Variants in VRK2 observed in about 807,000 individuals in gnomAD.
The protein encoded by VRK2 is serine/threonine-protein kinase VRK2.
A neutral mutation model predicts 57.6 loss-of-function variants in VRK2; 60 were observed. That is an observed-to-expected ratio of 1.04 (90% CI 0.85 to 1.29). VRK2 has a LOEUF of 1.29. VRK2 is among the 50% of genes most tolerant of loss of function. The pLI is 0.00. For missense variants in VRK2, 705 were observed against 588.1 expected, an observed-to-expected ratio of 1.20 and a Z score of -2.06; for synonymous variants, 231 against 199.2, an observed-to-expected ratio of 1.16 and a Z score of -1.35.
Position 58,048,820 on chromosome 2 carries a change from C to T in VRK2, c.-5-7C>T, listed in dbSNP as rs1675271880. ...TTACCCATTTATCTCACCCCTTCTG[C>T]CAACAGAAGTGATGCCACCAAAAAG... On this transcript the variant is annotated splice_polypyrimidine_tract_variant and splice_region_variant and intron_variant, in intron 1 of 12. Coordinates refer to ENST00000340157, the MANE Select transcript of VRK2 (RefSeq NM_006296.7). The T allele has an allele frequency of 3.1e-6, 5 of 1,611,990 alleles. No individual in the cohort carries two copies. Among genetic ancestry groups the T allele is most frequent in the Non-Finnish European group, 4.2e-6 (5 of 1,179,100 alleles).
chr2:57,988,130 T>TA (rs528875407), intron 1 of VRK2, among the ~76,000 whole-genome samples: 12 of 152,150 alleles, frequency 7.9e-5, no homozygotes, highest in African/African-American at 2.6e-4. Flanking sequence ...CAGGACTGTA[T>TA]AAAAAAAGGG....
intron 2 of VRK2, among the ~76,000 whole-genome samples, chr2:58,064,853 A>T (rs1668406806): frequency 6.6e-6 from 1 of 152,138 alleles, no homozygotes; most frequent in Non-Finnish European, 1.5e-5. Flanking sequence ...TGTGTGATTA[A>T]GAAAACATAA....
At chr2:57,945,398 T>C (rs1671230677) in intron 1 of VRK2, among the ~76,000 whole-genome samples, 1 of 152,158 alleles carries the variant, frequency 6.6e-6, no homozygotes, top group Non-Finnish European at 1.5e-5. Flanking sequence ...ACTGTCACCA[T>C]ATCTACCAGT....
chr2:57,989,407 C>A (rs1458527571), intron 1 of VRK2, among the ~76,000 whole-genome samples: 1 of 152,124 alleles, frequency 6.6e-6, no homozygotes, highest in East Asian at 1.9e-4. Context: ...TGTTCATACA[C>A]AAAAAGTGAG....
chr2:57,967,461 G>A (rs1172333634), intron 1 of VRK2, among the ~76,000 whole-genome samples: 1 of 151,890 alleles, frequency 6.6e-6, no homozygotes, highest in Non-Finnish European at 1.5e-5. Context: ...ATTTCCATGG[G>A]TGGTTTTTAA....
intron 1 of VRK2, among the ~76,000 whole-genome samples, chr2:57,982,160 G>A (rs1672440707): frequency 6.6e-6 from 1 of 152,212 alleles, no homozygotes; most frequent in South Asian, 2.1e-4. Flanking sequence ...CCAAGATTCA[G>A]CTCAGCACTC....
intron 8 of VRK2, among the ~76,000 whole-genome samples, chr2:58,126,436 C>T (rs1287276589): frequency 1.1e-4 from 17 of 152,036 alleles, no homozygotes; most frequent in Admixed American, 1.1e-3. Flanking sequence ...TCAGTCATTA[C>T]ATCTAAGCAT....
intron 1 of VRK2, among the ~76,000 whole-genome samples, chr2:58,019,072 A>C (rs4430930): frequency 6.6e-6 from 1 of 152,210 alleles, no homozygotes; most frequent in Admixed American, 6.5e-5. Flanking sequence ...GAGATAAATA[A>C]ATTGAACTCA....
At chr2:58,137,081 T>TATATCATATATATC (rs1558686062) in intron 10 of VRK2, among the ~76,000 whole-genome samples, 1 of 66,668 alleles carries the variant, frequency 1.5e-5, no homozygotes, top group African/African-American at 6.5e-5. Flanking sequence ...ATATATAACA[T>TATATCATATATATC]ATATATGTGT....
chr2:58,122,982 GT>G, intron 7 of VRK2, 118 bp from the exon 8 acceptor site: 1 of 1,310,250 alleles, frequency 7.6e-7, no homozygotes, highest in Non-Finnish European at 1.0e-6. Flanking sequence ...GCACCATTTG[GT>G]TTAATAAAAT....
intron 7 of VRK2, among the ~76,000 whole-genome samples, chr2:58,119,701 A>G (rs1474368805): frequency 6.6e-6 from 1 of 151,468 alleles, no homozygotes; most frequent in African/African-American, 2.4e-5. Context: ...ATTAATATAT[A>G]CTAGTAACAA....
chr2:58,131,725 C>T, intron 8 of VRK2, 83 bp from the exon 9 acceptor site: 1 of 1,426,272 alleles, frequency 7.0e-7, no homozygotes, highest in African/African-American at 1.4e-5. Context: ...CATATTTCAT[C>T]AGTAGTAGTT....
At position 58,055,922 on chromosome 2, in the gene VRK2, C is replaced by T. The variant is rs192626811; in HGVS notation, c.136+6955C>T. 3.9e-5 allele frequency among the ~76,000 whole-genome samples: 6 copies of T among 152,252 alleles called. No individual in the cohort carries two copies. The East Asian group carries it at 1.2e-3, about 29-fold the overall frequency. ...AACTTAGTTAACCAAAATGTTAGAACCAACTTAATGCATAAGTGACAAAAC... is the reference window on the plus strand; with the variant it reads ...AACTTAGTTAACCAAAATGTTAGAATCAACTTAATGCATAAGTGACAAAAC... On this transcript the variant is annotated intron_variant, in intron 2 of 12. Coordinates refer to ENST00000340157, the MANE Select transcript of VRK2 (RefSeq NM_006296.7).
At chr2:58,006,789 G>T (rs1673259845) in intron 1 of VRK2, among the ~76,000 whole-genome samples, 1 of 152,132 alleles carries the variant, frequency 6.6e-6, no homozygotes. Context: ...TCCTAAAAGT[G>T]AAACAGAAAG....
rs754317128 is a variant in VRK2, at chr2:58,159,404, T to TAAAC, written c.1240_1243dup (p.Ser415LysfsTer18). 18 of 1,613,336 alleles carry TAAAC rather than the reference T, an allele frequency of 1.1e-5. No homozygotes were observed. The highest frequency in any genetic ancestry group is 8.3e-5 in the Admixed American group (5 of 59,910). On this transcript the variant is annotated frameshift_variant, in exon 13 of 13. Coordinates refer to ENST00000340157, the MANE Select transcript of VRK2 (RefSeq NM_006296.7). LOFTEE classifies it low-confidence loss of function (END_TRUNC). ...GAGTCTCAAGAACCTTTGAATGAAG[T>TAAAC]AAACAGTTTCCCACAAAAAATCAGC...
chr2:58,073,636 T>TTATA (rs1205697238), intron 2 of VRK2, among the ~76,000 whole-genome samples: 11 of 116,912 alleles, frequency 9.4e-5, no homozygotes, highest in African/African-American at 3.7e-4. Context: ...ACTAATAGGA[T>TTATA]TATATATATA....
intron 2 of VRK2, among the ~76,000 whole-genome samples, chr2:58,026,275 TGTG>T (rs1673921777): frequency 6.7e-6 from 1 of 148,424 alleles, no homozygotes; most frequent in Admixed American, 6.6e-5. Flanking sequence ...TGAGACTAAT[TGTG>T]TGTGTGTGCG....
At chr2:57,912,102 T>A (rs538360076) in intron 1 of VRK2, among the ~76,000 whole-genome samples, 1 of 152,228 alleles carries the variant, frequency 6.6e-6, no homozygotes, top group Non-Finnish European at 1.5e-5. Flanking sequence ...ATGCCTAGTA[T>A]TAACTGATAT....
At chr2:58,117,824 T>C (rs1676759471) in intron 7 of VRK2, among the ~76,000 whole-genome samples, 1 of 151,964 alleles carries the variant, frequency 6.6e-6, no homozygotes. Flanking sequence ...TTCTTAAGAA[T>C]ATAGGCTAAG....
Sources: allele counts gnomAD v4.1 joint callset (sites outside exome capture counted in the v4.1 genomes callset), GRCh38; gene constraint gnomAD v4.1.1; transcripts MANE v1.5; gene names NCBI Gene and HGNC (gene_info 2026-07-23, HGNC 2026-07-21).